TAF1C: variants seen among roughly 807,000 people sequenced by gnomAD.
TAF1C encodes the protein TATA box-binding protein-associated factor RNA polymerase I subunit C.
TAF1C carries 79 observed loss-of-function variants against 70.5 expected under a neutral mutation model. That is an observed-to-expected ratio of 1.12 (90% CI 0.93 to 1.35). The LOEUF (loss-of-function observed/expected upper bound fraction) is 1.35, where lower values mean the gene tolerates loss of function less well. TAF1C is among the 40% of genes most tolerant of loss of function. The probability of loss-of-function intolerance (pLI) is 0.00; values close to 1 mark genes in which losing one functional copy is unlikely to be tolerated. For missense variants in TAF1C, 1,412 were observed against 1,127.8 expected (o/e 1.25, Z -3.61); for synonymous variants, 614 against 491.1 (o/e 1.25, Z -3.31).
At position 84,179,481 on chromosome 16, in the gene TAF1C, C is replaced by G. The variant is rs1457399572; in HGVS notation, c.1992G>C (p.Gln664His). The G allele has an allele frequency of 6.3e-7, 1 of 1,598,634 alleles. No homozygotes were observed. ...GVLRKAMARG[Q>H]LLLQRDLGSL... ...AGCCCAGGTCTCTCTGCAGCAGGAG[C>G]TGCCCTCGGGCCATGGCCTTGCGGA... The change falls in exon 15 of 15, where the codon CAG (glutamine) becomes CAC (histidine). Residue 664 changes from glutamine (Q) to histidine (H), a missense_variant. Transcript: ENST00000566732.
rs187791567 is a variant in TAF1C, at chr16:84,182,858, A to G, written c.482+218T>C. Reference sequence around the variant, plus strand: ...ACACAGCTCTATGAACATTATTTGAACACCTGGATGCAGCTGTGCCTGAAC... The same window carrying G: ...ACACAGCTCTATGAACATTATTTGAGCACCTGGATGCAGCTGTGCCTGAAC... On this transcript the variant is annotated intron_variant, in intron 6 of 14. Transcript: ENST00000566732. The surrounding 1 kb of genome is among the most constrained non-coding windows in gnomAD (Gnocchi z 5.0). 3.4e-4 allele frequency among the ~76,000 whole-genome samples: 52 copies of G among 152,304 alleles called. No individual in the cohort carries two copies. Among genetic ancestry groups the G allele is most frequent in the African/African-American group, 1.2e-3 (50 of 41,554 alleles).
At position 84,182,428 on chromosome 16, in the gene TAF1C, A is replaced by G; in HGVS notation, c.495T>C (p.Ala165=). ...AGCGGCGCTGTCGGTTGCTGAGGTA[A>G]GCCCAGGGACACCTGGGGACCAGAG... The part of the protein sequence containing the change: ...GGHQPWGCPW[A]YLSNRQRRFS... The change falls in exon 7 of 15, where the codon GCT becomes GCC. Residue 165 remains alanine (A), a synonymous_variant. Transcript: ENST00000566732. The surrounding 1 kb of genome is among the most constrained non-coding windows in gnomAD (Gnocchi z 5.0). 6.2e-7 allele frequency: 1 copy of G among 1,602,656 alleles called. No homozygotes were observed. The highest frequency in any genetic ancestry group is 1.3e-5 in the African/African-American group (1 of 74,928).
chr16:84,180,899 G>A, intron 12 of TAF1C, 144 bp downstream of exon 12: 1 of 1,437,546 alleles, frequency 7.0e-7, no homozygotes, highest in African/African-American at 1.4e-5. Flanking sequence ...TCCACTGCGT[G>A]TTTGGGCCAC....
At position 84,179,175 on chromosome 16, in the gene TAF1C, G is replaced by A. The variant is rs779152089; in HGVS notation, c.2298C>T (p.Thr766=). The change falls in exon 15 of 15, where the codon ACC becomes ACT. Residue 766 remains threonine (T), a synonymous_variant. Transcript: ENST00000566732. ...CCGGAGTCAACTCCTGGGAGGGCGG[G>A]GTCGTGGGGGGCAGGGGCAGAGCAT... is the stretch of plus-strand genomic sequence containing the variant. The part of the protein sequence containing the change: ...PADALPLPPT[T]PPSQELTPDA... 7 of 1,595,808 alleles carry A rather than the reference G, an allele frequency of 4.4e-6. No homozygotes were observed. The highest frequency in any genetic ancestry group is 6.0e-6 in the Non-Finnish European group (7 of 1,176,262).
intron 1 of TAF1C, chr16:84,185,286 G>A (rs1205075715): frequency 3.7e-6 from 1 of 272,718 alleles, no homozygotes; most frequent in East Asian, 8.2e-5. Context: ...TGAACCTAGT[G>A]AAGGAGAGAA....
chr16:84,184,983 G>A lies in TAF1C; in HGVS notation c.6C>T (p.Asp2=). ...ATGCAGGGCGGAGGGAGCTGGGGAA[G>A]TCCATCCTGGAAACAAGGACCAAGC... is the stretch of plus-strand genomic sequence containing the variant. M[D]FPSSLRPALF... The change falls in exon 2 of 15, where the codon GAC becomes GAT. Residue 2 remains aspartate (D), a synonymous_variant. Transcript: ENST00000566732. 4 of 1,613,238 alleles carry A rather than the reference G, an allele frequency of 2.5e-6. No homozygotes were observed. The highest frequency in any genetic ancestry group is 3.4e-6 in the Non-Finnish European group (4 of 1,179,616).
At position 84,178,981 on chromosome 16, in the gene TAF1C, C is replaced by A; in HGVS notation, c.2492G>T (p.Ser831Ile). 6.2e-7 allele frequency: 1 copy of A among 1,610,790 alleles called. No homozygotes were observed. The highest frequency in any genetic ancestry group is 8.5e-7 in the Non-Finnish European group (1 of 1,179,896). The stretch of plus-strand genomic sequence containing the variant: ...AGGCTTCTTCCGGAGGGGCTGAGAG[C>A]TAGAGAGGACGGGTGTGTGCTGCTG... Reference protein sequence around the residue: ...RSQQHTPVLSSSQPLRKKPRM... With the variant: ...RSQQHTPVLSISQPLRKKPRM... Residue 831 changes from serine (S) to isoleucine (I), a missense_variant, in exon 15 of 15, where the codon AGC (serine) becomes ATC (isoleucine). Ser to Ile is a moderately radical substitution (Grantham distance 142). Coordinates refer to ENST00000566732, the MANE Select transcript of TAF1C (RefSeq NM_001243156.2).
chr16:84,180,786 A>C, intron 12 of TAF1C: 5 of 1,316,988 alleles, frequency 3.8e-6, no homozygotes, highest in Non-Finnish European at 1.9e-6. Context: ...CCCCACCCCG[A>C]GGCCCCTCCT....
Position 84,181,194 on chromosome 16 carries a change from A to G in TAF1C, c.1165-8T>C. 1.9e-6 allele frequency: 3 copies of G among 1,603,280 alleles called. No homozygotes were observed. Among genetic ancestry groups the G allele is most frequent in the Non-Finnish European group, 1.7e-6 (2 of 1,171,574 alleles). On this transcript the variant is annotated splice_region_variant and splice_polypyrimidine_tract_variant and intron_variant, in intron 11 of 14. Transcript: ENST00000566732. ...ACCACAGCCCGGCGGGCCCTGGAAGATAAACACAGGGTCAGCCCTCCCCAC... is the reference window on the plus strand; with the variant it reads ...ACCACAGCCCGGCGGGCCCTGGAAGGTAAACACAGGGTCAGCCCTCCCCAC...
intron 1 of TAF1C, among the ~76,000 whole-genome samples, chr16:84,186,364 G>T (rs1043993790): frequency 3.3e-5 from 5 of 152,132 alleles, no homozygotes; most frequent in Non-Finnish European, 7.3e-5. Flanking sequence ...GACCAGTCCG[G>T]CCAATACAGT....
rs1383875207 is a variant in TAF1C, at chr16:84,182,487, G to A, written c.483-47C>T. Reference sequence around the variant, plus strand: ...GAGGATCACTCGGTGGCACTCAGGGGAGGACAGGTCCCATCCCAAGGAGGC... The same window carrying A: ...GAGGATCACTCGGTGGCACTCAGGGAAGGACAGGTCCCATCCCAAGGAGGC... On this transcript the variant is annotated intron_variant, in intron 6 of 14. Coordinates refer to ENST00000566732, the MANE Select transcript of TAF1C (RefSeq NM_001243156.2). This position sits in a 1 kb window ranked among gnomAD's most constrained non-coding sequence, Gnocchi z 5.0. The A allele has an allele frequency of 2.6e-6, 4 of 1,548,838 alleles. No individual in the cohort carries two copies. The highest frequency in any genetic ancestry group is 2.6e-6 in the Non-Finnish European group (3 of 1,146,390).
At chr16:84,186,477 T>G (rs780329896) in intron 1 of TAF1C, among the ~76,000 whole-genome samples, 2 of 152,130 alleles carry the variant, frequency 1.3e-5, no homozygotes, top group Admixed American at 1.3e-4. Context: ...CGCTTGAATC[T>G]GGGAGGCAGA....
In TAF1C at chr16:84,179,689, C is replaced by G; in HGVS notation, c.1784G>C (p.Cys595Ser). The G allele has an allele frequency of 6.2e-7, 1 of 1,612,612 alleles. No individual in the cohort carries two copies. The highest frequency in any genetic ancestry group is 8.5e-7 in the Non-Finnish European group (1 of 1,179,934). ...AGPPGDTQPDCHAPTASWTSQ... is the reference protein window; with the variant it reads ...AGPPGDTQPDSHAPTASWTSQ... ...GGTCCAGGAAGCTGTGGGGGCATGG[C>G]AGTCAGGTTGGGTGTCGCCAGGAGG... Residue 595 changes from cysteine (C) to serine (S), a missense_variant, in exon 15 of 15, where the codon TGC becomes TCC. Transcript: ENST00000566732.
intron 12 of TAF1C, chr16:84,180,608 A>G: frequency 1.7e-6 from 1 of 583,732 alleles, no homozygotes; most frequent in East Asian, 3.4e-5. Flanking sequence ...GAGCCTTGCC[A>G]GCAGAAACCT....
rs2088843762 is a variant in TAF1C, at chr16:84,178,098, AG to A, written c.*842del. 1 of 466,548 alleles carries A rather than the reference AG, an allele frequency of 2.1e-6. No individual in the cohort carries two copies. The highest frequency in any genetic ancestry group is 4.0e-6 in the Non-Finnish European group (1 of 251,272). The allele number at this position is 466,548 out of a possible 1,614,324, so 28.9% of individuals were successfully genotyped here. ...ACAGGAAAACAGAATCTTCCACTGC[AG>A]CTAGAGAAACTCCGAGGAAGAGGGA... On this transcript the variant is annotated 3_prime_UTR_variant, in exon 15 of 15. Transcript: ENST00000566732.
chr16:84,179,276 TGCTGGACA>T lies in TAF1C; in HGVS notation c.2189_2196del (p.Leu730GlnfsTer19). On this transcript the variant is annotated frameshift_variant, in exon 15 of 15. Transcript: ENST00000566732. LOFTEE classifies it low-confidence loss of function (END_TRUNC). Reference sequence around the variant, plus strand: ...TCCACATGGCCACTGAGCGAAAAGCTGCTGGACAGCTGGGTCCGGCGCTTGGGCCGCCT... The same window carrying T: ...TCCACATGGCCACTGAGCGAAAAGCTGCTGGGTCCGGCGCTTGGGCCGCCT... 6.3e-7 allele frequency: 1 copy of T among 1,589,808 alleles called. No individual in the cohort carries two copies. The highest frequency in any genetic ancestry group is 8.5e-7 in the Non-Finnish European group (1 of 1,174,092).
rs2089180244 is a variant in TAF1C at position 84,181,380 on chromosome 16, G to C, written c.1112C>G (p.Pro371Arg). The C allele has an allele frequency of 6.2e-7, 1 of 1,613,730 alleles. No homozygotes were observed. The highest frequency in any genetic ancestry group is 1.3e-5 in the African/African-American group (1 of 74,926). ...SWRWADFTAH[P>R]RVLTVGDRTG... Reference sequence around the variant, plus strand: ...GCGGTCACCCACGGTCAGCACCCGAGGGTGCGCAGTGAAGTCTGCCCAACG... The same window carrying C: ...GCGGTCACCCACGGTCAGCACCCGACGGTGCGCAGTGAAGTCTGCCCAACG... The change falls in exon 11 of 15, where the codon CCT becomes CGT. Residue 371 changes from proline to arginine, a missense_variant. By Grantham distance (103) the Pro-to-Arg change is moderately radical. Coordinates refer to ENST00000566732, the MANE Select transcript of TAF1C (RefSeq NM_001243156.2).
In TAF1C at chr16:84,179,977, C is replaced by T; in HGVS notation, c.1590G>A (p.Arg530=). Residue 530 remains arginine, a synonymous_variant, in exon 14 of 15, where the codon CGG becomes CGA. Transcript: ENST00000566732. ...FPLLEPKIQW[R]LQERLKAPTI... Reference sequence around the variant, plus strand: ...TCGGTGCTTTCAGGCGCTCCTGCAGCCGCCACTGGATCTTAGGCTCCAGCA... The same window carrying T: ...TCGGTGCTTTCAGGCGCTCCTGCAGTCGCCACTGGATCTTAGGCTCCAGCA... The T allele has an allele frequency of 6.2e-7, 1 of 1,612,484 alleles. No homozygotes were observed. Among genetic ancestry groups the T allele is most frequent in the Non-Finnish European group, 8.5e-7 (1 of 1,179,908 alleles).
chr16:84,182,101 GCAAGCC>G lies in TAF1C; in HGVS notation c.722-49_722-44del, dbSNP rs1567594113. 1 of 1,598,142 alleles carries G rather than the reference GCAAGCC, an allele frequency of 6.3e-7. No homozygotes were observed. The highest frequency in any genetic ancestry group is 8.5e-7 in the Non-Finnish European group (1 of 1,170,682). ...GATCAGTGCACGAGCTATGATCACTGCAAGCCCCCCAAATTCCTGCCCTTCTCTGGA... is the reference window on the plus strand; with the variant it reads ...GATCAGTGCACGAGCTATGATCACTGCCCCAAATTCCTGCCCTTCTCTGGA... On this transcript the variant is annotated intron_variant, in intron 7 of 14. Coordinates refer to ENST00000566732, the MANE Select transcript of TAF1C (RefSeq NM_001243156.2). This position sits in a 1 kb window ranked among gnomAD's most constrained non-coding sequence, Gnocchi z 5.0.
Sources: allele counts gnomAD v4.1 joint callset (sites outside exome capture counted in the v4.1 genomes callset), GRCh38; gene constraint gnomAD v4.1.1; non-coding constraint Gnocchi (gnomAD v3.1); transcripts MANE v1.5; gene names NCBI Gene and HGNC (gene_info 2026-07-23, HGNC 2026-07-21).